Variants in ATPAF2 observed in about 807,000 individuals in gnomAD.
ATPAF2 encodes the protein ATP12 homolog.
ATPAF2 carries 30 observed loss-of-function variants against 36.6 expected under a neutral mutation model. That is an observed-to-expected ratio of 0.82 (90% CI 0.61 to 1.11). The LOEUF (loss-of-function observed/expected upper bound fraction) is 1.11. Ranked by LOEUF, ATPAF2 falls within the 50% of genes most tolerant of loss-of-function variation. The pLI is 0.00. For missense variants in ATPAF2, 321 were observed against 372.3 expected, an observed-to-expected ratio of 0.86 and a Z score of 1.13; for synonymous variants, 140 against 152.6, an observed-to-expected ratio of 0.92 and a Z score of 0.61.
downstream of ATPAF2, chr17:18,016,783 C>T (rs569239145): frequency 2.1e-4 from 126 of 600,082 alleles, no homozygotes; most frequent in African/African-American, 1.9e-3. Context: ...ATCTCTCAAC[C>T]GCGATCCCCA....
chr17:18,021,187 A>G lies in ATPAF2; in HGVS notation c.668T>C (p.Leu223Pro). Reference protein sequence around the residue: ...QLKSMVLTLGLIDLRLTVEQA... With the variant: ...QLKSMVLTLGPIDLRLTVEQA... ...CTCCACTGTCAGGCGCAGGTCAATC[A>G]GGCCCAAGGTTAGCACCATGGACTT... Residue 223 changes from leucine (L) to proline (P), a missense_variant, in exon 7 of 8, where the codon CTG becomes CCG. Around this residue, in one of 3 missense-constraint regions of ATPAF2, gnomAD observed 199 missense variants for 220.6 expected, o/e 0.90. Transcript: ENST00000474627. The G allele has an allele frequency of 6.2e-7, 1 of 1,614,006 alleles. No homozygotes were observed. Among genetic ancestry groups the G allele is most frequent in the Non-Finnish European group, 8.5e-7 (1 of 1,179,998 alleles).
At chr17:18,017,462 C>T (rs1032281150), downstream of ATPAF2, among the ~76,000 whole-genome samples, 5 of 152,250 alleles carry the variant, frequency 3.3e-5, no homozygotes, top group African/African-American at 1.2e-4. Context: ...GCTGCAGCTC[C>T]CACCACAGTG....
chr17:18,021,307 C>T, intron 6 of ATPAF2, 69 bp from the exon 7 acceptor site: 1 of 1,196,556 alleles, frequency 8.4e-7, no homozygotes, highest in African/African-American at 1.5e-5. Flanking sequence ...TTGTGAGTCC[C>T]AGCAGCCCTA....
intron 3 of ATPAF2, among the ~76,000 whole-genome samples, chr17:18,027,594 G>A (rs1478237706): frequency 6.6e-6 from 1 of 152,354 alleles, no homozygotes; most frequent in East Asian, 1.9e-4. Flanking sequence ...ACCTGCCCAA[G>A]GTTACAGTTT....
Position 18,021,748 on chromosome 17 carries a change from G to C in ATPAF2, c.613C>G (p.Gln205Glu). ...CCACAAGAAACTCCATACATGCCTT[G>C]TAAAGCCCATGTGTTGTAAGATGCC... The part of the protein sequence containing the change: ...HLASYNTWAL[Q>E]GIEFVAAQLK... The change falls in exon 6 of 8, where the codon CAA (glutamine) becomes GAA (glutamate). Residue 205 changes from glutamine to glutamate, a missense_variant. Gln to Glu is a conservative substitution (Grantham distance 29). Transcript: ENST00000474627. 6.2e-7 allele frequency: 1 copy of C among 1,613,642 alleles called. No individual in the cohort carries two copies. The highest frequency in any genetic ancestry group is 8.5e-7 in the Non-Finnish European group (1 of 1,179,722).
chr17:18,024,856 AGTGTGGCCCTGGC>A (rs2044522129), intron 4 of ATPAF2, 152 bp from the exon 5 acceptor site: 5 of 701,370 alleles, frequency 7.1e-6, no homozygotes, highest in Non-Finnish European at 1.3e-5. Context: ...TGGTTCTCAA[AGTGTGGCCCTGGC>A]ACCAGCATCG....
chr17:18,028,166 A>G lies in ATPAF2; in HGVS notation c.324+66T>C, dbSNP rs750235633. 4 of 1,605,912 alleles carry G rather than the reference A, an allele frequency of 2.5e-6. No individual in the cohort carries two copies. The Admixed American group carries it at 5.0e-5, about 20-fold the overall frequency. On this transcript the variant is annotated intron_variant, in intron 3 of 7. Coordinates refer to ENST00000474627, the MANE Select transcript of ATPAF2 (RefSeq NM_145691.4). ...CCCCAGGGCCTTGTCGGAATTTGGT[A>G]AAGGGTCTACCCTACGAAGCCCTGG...
downstream of ATPAF2, among the ~76,000 whole-genome samples, chr17:18,017,319 A>G (rs1436341872): frequency 6.6e-6 from 1 of 151,990 alleles, no homozygotes; most frequent in Non-Finnish European, 1.5e-5. Context: ...GCTGTGGCAT[A>G]AAGTCAGACA....
chr17:18,032,822 TTC>T (rs1344118331), intron 1 of ATPAF2, among the ~76,000 whole-genome samples: 1 of 151,994 alleles, frequency 6.6e-6, no homozygotes, highest in Admixed American at 6.6e-5. Context: ...GTACCAAACT[TTC>T]TGATTGATTC....
chr17:18,037,315 C>A (rs1381171701), intron 1 of ATPAF2, among the ~76,000 whole-genome samples: 2 of 151,902 alleles, frequency 1.3e-5, no homozygotes, highest in Non-Finnish European at 2.9e-5. Context: ...CTTGGCTGGG[C>A]GCGGTGGCTC....
rs1053383042 is a variant in ATPAF2, at chr17:18,026,388, T to C, written c.353A>G (p.Asn118Ser). Reference sequence around the variant, plus strand: ...CTGATCCTTGTTTCTCTGGGTTGGGTTGTCCAATGATGTGTTGCACAATGT... The same window carrying C: ...CTGATCCTTGTTTCTCTGGGTTGGGCTGTCCAATGATGTGTTGCACAATGT... Reference protein sequence around the residue: ...LTTLCNTSLDNPTQRNKDQLI... With the variant: ...LTTLCNTSLDSPTQRNKDQLI... Residue 118 changes from asparagine (N) to serine (S), a missense_variant, in exon 4 of 8, where the codon AAC becomes AGC. This residue lies in a region of ATPAF2 where 199 missense variants were observed against 220.6 expected (regional missense o/e 0.90). Coordinates refer to ENST00000474627, the MANE Select transcript of ATPAF2 (RefSeq NM_145691.4). 6 of 1,614,090 alleles carry C rather than the reference T, an allele frequency of 3.7e-6. No individual in the cohort carries two copies. Among genetic ancestry groups the C allele is most frequent in the African/African-American group, 1.3e-5 (1 of 74,928 alleles).
intron 5 of ATPAF2, 122 bp downstream of exon 5, chr17:18,024,502 T>C (rs2044515771): frequency 2.4e-6 from 2 of 818,260 alleles, no homozygotes. Context: ...ATCCCACGAG[T>C]GCTCTGAAAT....
downstream of ATPAF2, chr17:18,016,034 C>A: frequency 6.2e-7 from 1 of 1,610,988 alleles, no homozygotes; most frequent in Non-Finnish European, 8.5e-7. Context: ...ATGACACACA[C>A]TTTCTCATTG....
chr17:18,021,269 A>G, intron 6 of ATPAF2, 31 bp from the exon 7 acceptor site: 1 of 1,573,050 alleles, frequency 6.4e-7, no homozygotes. Context: ...TCAGAACCCA[A>G]AACAGGGCAG....
chr17:18,015,667 C>T (rs2044333610), downstream of ATPAF2: 1 of 182,126 alleles, frequency 5.5e-6, no homozygotes, highest in African/African-American at 2.3e-5. Flanking sequence ...GACCCTCAGC[C>T]AGCCTCATGC....
chr17:18,022,328 C>T (rs1470857502), intron 5 of ATPAF2, among the ~76,000 whole-genome samples: 1 of 152,174 alleles, frequency 6.6e-6, no homozygotes, highest in African/African-American at 2.4e-5. Context: ...GTCACTCAAG[C>T]TGGAGTGCGC....
At position 18,038,882 on chromosome 17, in the gene ATPAF2, T is replaced by G. The variant is rs752169082; in HGVS notation, c.132A>C (p.Thr44=). The change falls in exon 1 of 8, where the codon ACA becomes ACC. Residue 44 remains threonine, a splice_region_variant and synonymous_variant. Coordinates refer to ENST00000474627, the MANE Select transcript of ATPAF2 (RefSeq NM_145691.4). The part of the protein sequence containing the change: ...PSPARAYAPP[T]ERKRFYQNVS... ...CAAAAGAACATGTCATGGTCTTACCTGTCGGCGGGGCGTAAGCCCGGGCTG... is the reference window on the plus strand; with the variant it reads ...CAAAAGAACATGTCATGGTCTTACCGGTCGGCGGGGCGTAAGCCCGGGCTG... 6.2e-7 allele frequency: 1 copy of G among 1,613,998 alleles called. No homozygotes were observed.
At chr17:18,036,281 C>T (rs1467595353) in intron 1 of ATPAF2, among the ~76,000 whole-genome samples, 3 of 151,874 alleles carry the variant, frequency 2.0e-5, no homozygotes, top group Admixed American at 1.3e-4. Flanking sequence ...AGAGAGAACA[C>T]GTGGGGGTCG....
rs1475553959 is a variant in ATPAF2, at chr17:18,018,477, T to C, written c.*72A>G. The stretch of plus-strand genomic sequence containing the variant: ...AGCCAAGGAAGCCAGCCCCACAGGC[T>C]GGGGAGCCCTGAAGGCCGGGGGAGC... On this transcript the variant is annotated 3_prime_UTR_variant, in exon 8 of 8. Coordinates refer to ENST00000474627, the MANE Select transcript of ATPAF2 (RefSeq NM_145691.4). 1.9e-6 allele frequency: 3 copies of C among 1,601,542 alleles called. No individual in the cohort carries two copies. Among genetic ancestry groups the C allele is most frequent in the African/African-American group, 1.3e-5 (1 of 74,794 alleles).
Sources: gnomAD v4.1 joint callset for allele counts (sites outside exome capture counted in the v4.1 genomes callset) on GRCh38, gnomAD v4.1.1 for gene constraint, gnomAD v4.1.1 regional missense constraint, MANE v1.5 for transcripts, NCBI Gene and HGNC (gene_info 2026-07-23, HGNC 2026-07-21) for gene names.